Variants in STARD6 observed in about 807,000 individuals in gnomAD.
STARD6 encodes the protein StAR related lipid transfer domain containing 6.
Under a neutral mutation model 22.3 loss-of-function variants are expected in STARD6, and 21 were observed. The observed-to-expected ratio is 0.94, with a 90% CI of 0.67 to 1.35. The LOEUF (loss-of-function observed/expected upper bound fraction) is 1.35, where lower values mean the gene tolerates loss of function less well. Ranked by LOEUF, STARD6 falls within the 40% of genes most tolerant of loss-of-function variation. The probability of loss-of-function intolerance (pLI) is 0.00; values close to 1 mark genes in which losing one functional copy is unlikely to be tolerated. For missense variants in STARD6, 269 were observed against 266.9 expected (o/e 1.01, Z -0.05); for synonymous variants, 80 against 88.1 (o/e 0.91, Z 0.52).
At chr18:54,349,757 T>C (rs1193396072) in intron 4 of STARD6, among the ~76,000 whole-genome samples, 1 of 152,216 alleles carries the variant, frequency 6.6e-6, no homozygotes, top group East Asian at 1.9e-4. Context: ...AGATGATGTT[T>C]GGTTTTCCAT....
At chr18:54,349,311 A>C (rs924401137) in intron 4 of STARD6, among the ~76,000 whole-genome samples, 1 of 152,090 alleles carries the variant, frequency 6.6e-6, no homozygotes, top group Non-Finnish European at 1.5e-5. Flanking sequence ...TAGCCTTGGA[A>C]ACATTTGGGG....
In STARD6 at chr18:54,325,788, G is replaced by A. The variant is rs186420958; in HGVS notation, c.480-913C>T. 1.7e-3 allele frequency among the ~76,000 whole-genome samples: 257 copies of A among 152,176 alleles called. 2 individuals carry two copies. Among genetic ancestry groups the A allele is most frequent in the African/African-American group, 5.7e-3 (238 of 41,522 alleles). On this transcript the variant is annotated intron_variant, in intron 7 of 7. Coordinates refer to ENST00000307844, the MANE Select transcript of STARD6 (RefSeq NM_139171.2). ...CAGTCTCAAGCTCCTTGCCTCAAGC[G>A]ATCCTCCCACTTCGGCCTCCCAAAA...
Position 54,356,458 on chromosome 18 carries a change from A to G in STARD6, c.-88-14T>C, listed in dbSNP as rs1342340575. ...ATATCTCTTAACCTGTGAGGAAACA[A>G]GGCAGAAGTAGAATTATTTTGATCC... is the stretch of plus-strand genomic sequence containing the variant. On this transcript the variant is annotated splice_polypyrimidine_tract_variant and intron_variant, in intron 1 of 7. Coordinates refer to ENST00000307844, the MANE Select transcript of STARD6 (RefSeq NM_139171.2). The G allele has an allele frequency of 6.6e-6, 1 of 152,190 alleles. No homozygotes were observed. The highest frequency in any genetic ancestry group is 2.4e-5 in the African/African-American group (1 of 41,454). 9.4% of individuals were successfully genotyped at this position (152,190 alleles called of 1,614,324 possible).
chr18:54,353,978 A>T, intron 4 of STARD6, 76 bp downstream of exon 4: 1 of 822,222 alleles, frequency 1.2e-6, no homozygotes. Flanking sequence ...ATAGCTAATG[A>T]AGCAGCACTG....
chr18:54,346,551 G>C lies in STARD6; in HGVS notation c.140+7503C>G, dbSNP rs150962888. On this transcript the variant is annotated intron_variant, in intron 4 of 7. Transcript: ENST00000307844. ...ATTGCCATATGATCCAGCAATTCCA[G>C]TCCTAGATCTATAGCCAAGAGAAAT... Among the ~76,000 whole-genome samples the C allele has an allele frequency of 2.2e-4, 34 of 151,990 alleles. No individual in the cohort carries two copies. The East Asian group carries it at 6.2e-3, about 28-fold the overall frequency.
At chr18:54,349,751 G>T (rs1315560115) in intron 4 of STARD6, among the ~76,000 whole-genome samples, 1 of 152,114 alleles carries the variant, frequency 6.6e-6, no homozygotes, top group Non-Finnish European at 1.5e-5. Context: ...GAGAAAAGAT[G>T]ATGTTTGGTT....
At chr18:54,350,178 T>C (rs891698169) in intron 4 of STARD6, among the ~76,000 whole-genome samples, 3 of 152,224 alleles carry the variant, frequency 2.0e-5, no homozygotes, top group Non-Finnish European at 2.9e-5. Context: ...ATGGCCATTC[T>C]TGCAGGGGTA....
At chr18:54,342,073 A>G (rs1420252838) in intron 4 of STARD6, among the ~76,000 whole-genome samples, 2 of 152,240 alleles carry the variant, frequency 1.3e-5, no homozygotes, top group African/African-American at 4.8e-5. Context: ...GACTGACCCT[A>G]TACAAATAAA....
At chr18:54,340,117 A>T (rs976441130) in intron 4 of STARD6, among the ~76,000 whole-genome samples, 1 of 152,144 alleles carries the variant, frequency 6.6e-6, no homozygotes, top group Non-Finnish European at 1.5e-5. Context: ...GTGTATTTAG[A>T]TGGGTAAGAT....
intron 4 of STARD6, among the ~76,000 whole-genome samples, chr18:54,350,912 A>G (rs1001634771): frequency 2.6e-5 from 4 of 152,056 alleles, no homozygotes; most frequent in Non-Finnish European, 5.9e-5. Context: ...AAGTTGGGTA[A>G]TGTGGTGCCT....
rs185583228 is a variant in STARD6, at chr18:54,354,369, T to C, written c.90+115A>G. The C allele has an allele frequency of 1.0e-5, 9 of 865,260 alleles. No homozygotes were observed. The African/African-American group carries it at 1.4e-4, about 13-fold the overall frequency. 53.6% of individuals were successfully genotyped at this position (865,260 alleles called of 1,614,324 possible). On this transcript the variant is annotated intron_variant, in intron 3 of 7. Coordinates refer to ENST00000307844, the MANE Select transcript of STARD6 (RefSeq NM_139171.2). ...TTAGCCTCCTGAGTAGCTGGGACTA[T>C]AGGTGCACACCACTGCACCTGGAAC...
chr18:54,357,513 G>A (rs1027863069), intron 1 of STARD6, among the ~76,000 whole-genome samples: 1 of 152,102 alleles, frequency 6.6e-6, no homozygotes, highest in African/African-American at 2.4e-5. Flanking sequence ...TTTGGCGGGG[G>A]ATGCTCTGGA....
chr18:54,343,461 G>T (rs868729550), intron 4 of STARD6, among the ~76,000 whole-genome samples: 13,941 of 113,788 alleles, frequency 0.12, 912 homozygotes, highest in Non-Finnish European at 0.15. Context: ...GGTCTGGGAG[G>T]TGAGGGGCGC....
intron 4 of STARD6, 90 bp downstream of exon 4, chr18:54,353,961 ATTT>A (rs1234298482): frequency 5.7e-6 from 4 of 703,772 alleles, no homozygotes; most frequent in Non-Finnish European, 9.4e-6. Context: ...CTATAAAATA[ATTT>A]ATTATAGCTA....
intron 3 of STARD6, 84 bp downstream of exon 3, chr18:54,354,400 A>C (rs1405182022): frequency 7.8e-7 from 1 of 1,274,334 alleles, no homozygotes; most frequent in Admixed American, 1.9e-5. Flanking sequence ...GGAACAGAAA[A>C]TATTTTTTTA....
chr18:54,339,477 G>GT (rs1216755809), intron 4 of STARD6, among the ~76,000 whole-genome samples: 4 of 134,086 alleles, frequency 3.0e-5, no homozygotes, highest in South Asian at 4.3e-4. Flanking sequence ...CTTGAAAGCA[G>GT]TTAAAAAAAA....
chr18:54,327,603 A>T (rs1406956225), intron 7 of STARD6, among the ~76,000 whole-genome samples: 1 of 152,218 alleles, frequency 6.6e-6, no homozygotes, highest in Non-Finnish European at 1.5e-5. Flanking sequence ...GCTTTTTAAA[A>T]AATGTCAATG....
rs1012598812 is a variant in STARD6, at chr18:54,356,433, A to T, written c.-77T>A. ...TCTCCAAATCCTTGTGGAAATCTCCATATCTCTTAACCTGTGAGGAAACAA... is the reference window on the plus strand; with the variant it reads ...TCTCCAAATCCTTGTGGAAATCTCCTTATCTCTTAACCTGTGAGGAAACAA... On this transcript the variant is annotated 5_prime_UTR_variant, in exon 2 of 8. The change abolishes an upstream ATG in the 5' untranslated region. Transcript: ENST00000307844. 2.0e-5 allele frequency: 3 copies of T among 152,188 alleles called. No individual in the cohort carries two copies. Among genetic ancestry groups the T allele is most frequent in the Non-Finnish European group, 4.4e-5 (3 of 68,032 alleles). The allele number at this position is 152,188 out of a possible 1,614,324, so 9.4% of individuals were successfully genotyped here.
chr18:54,324,536 G>C lies in STARD6; in HGVS notation c.*156C>G. On this transcript the variant is annotated 3_prime_UTR_variant, in exon 8 of 8. Transcript: ENST00000307844. ...TAATGCCATATTCTTGTACAACTATGAGTTCTTATTTTTATGAACTATCTT... is the reference window on the plus strand; with the variant it reads ...TAATGCCATATTCTTGTACAACTATCAGTTCTTATTTTTATGAACTATCTT... 1 of 588,314 alleles carries C rather than the reference G, an allele frequency of 1.7e-6. No homozygotes were observed. Among genetic ancestry groups the C allele is most frequent in the Non-Finnish European group, 2.8e-6 (1 of 363,400 alleles). The allele number at this position is 588,314 out of a possible 1,614,324, so 36.4% of individuals were successfully genotyped here.
Sources: gnomAD v4.1 joint callset for allele counts (sites outside exome capture counted in the v4.1 genomes callset) on GRCh38, gnomAD v4.1.1 for gene constraint, MANE v1.5 for transcripts, NCBI Gene and HGNC (gene_info 2026-07-23, HGNC 2026-07-21) for gene names.